Variants in GPKOW observed in about 807,000 individuals in gnomAD.
GPKOW encodes G-patch domain and KOW motifs.
For missense variants in GPKOW, 359 were observed against 404.7 expected, an observed-to-expected ratio of 0.89 and a Z score of 0.97; for synonymous variants, 167 against 159.1, an observed-to-expected ratio of 1.05 and a Z score of -0.37.
At chrX:49,119,251 C>A (rs970823566) in intron 4 of GPKOW, among the ~76,000 whole-genome samples, 1 of 110,346 alleles carries the variant, frequency 9.1e-6, no homozygotes, top group Non-Finnish European at 1.9e-5. Context: ...GCCACCACAC[C>A]CGGCCCTAAT....
rs781882899 is a variant in GPKOW at position 49,123,578 on chromosome X, A to G, written c.145T>C (p.Leu49=). 6 of 1,207,765 alleles carry G rather than the reference A, an allele frequency of 5.0e-6. No homozygotes were observed. The highest frequency in any genetic ancestry group is 4.4e-5 in the Admixed American group (2 of 45,297). The part of the protein sequence containing the change: ...AGPSPEEKDF[L]KTVEGRELQS... The stretch of plus-strand genomic sequence containing the variant: ...AGCTCCCTCCCTTCCACGGTTTTCA[A>G]GAAATCCTTCTCCTCCGGAGATGGC... Residue 49 remains leucine, a synonymous_variant, in exon 1 of 11, where the codon TTG becomes CTG. Coordinates refer to ENST00000156109, the MANE Select transcript of GPKOW (RefSeq NM_015698.6).
At chrX:49,123,020 T>C (rs1453320639) in intron 1 of GPKOW, among the ~76,000 whole-genome samples, 1 of 111,429 alleles carries the variant, frequency 9.0e-6, no homozygotes, top group Non-Finnish European at 1.9e-5. Context: ...TTTAACTCAA[T>C]ACCGGCTTCT....
rs1429167736 is a variant in GPKOW at position 49,123,600 on chromosome X, T to C, written c.123A>G (p.Pro41=). The C allele has an allele frequency of 5.0e-6, 6 of 1,207,855 alleles. No homozygotes were observed. In the African/African-American group the frequency reaches 1.0e-4, roughly 21 times the overall value. ...RLADSGDGAG[P]SPEEKDFLKT... is the part of the protein sequence containing the mutation. ...TCAAGAAATCCTTCTCCTCCGGAGA[T>C]GGCCCCGCGCCGTCTCCCGAGTCGG... The change falls in exon 1 of 11, where the codon CCA becomes CCG. Residue 41 remains proline, a synonymous_variant. Coordinates refer to ENST00000156109, the MANE Select transcript of GPKOW (RefSeq NM_015698.6).
Position 49,117,057 on chromosome X carries a change from C to G in GPKOW, c.886G>C (p.Glu296Gln). Residue 296 changes from glutamate to glutamine, a missense_variant, in exon 6 of 11, where the codon GAG becomes CAG. Physicochemically the swap from Glu to Gln is conservative, Grantham distance 29. Coordinates refer to ENST00000156109, the MANE Select transcript of GPKOW (RefSeq NM_015698.6). ...AGATCCAAGGTGTTCTTGTCAAACTCCTGCTGGGAGACAGGCCGCAGGTAG... is the reference window on the plus strand; with the variant it reads ...AGATCCAAGGTGTTCTTGTCAAACTGCTGCTGGGAGACAGGCCGCAGGTAG... ...EYYLRPVSQQ[E>Q]FDKNTLDLRQ... is the part of the protein sequence containing the mutation. 1 of 1,209,541 alleles carries G rather than the reference C, an allele frequency of 8.3e-7. No homozygotes were observed. The highest frequency in any genetic ancestry group is 1.1e-6 in the Non-Finnish European group (1 of 893,638).
intron 9 of GPKOW, among the ~76,000 whole-genome samples, chrX:49,114,626 A>AC (rs2065184930): frequency 9.6e-6 from 1 of 103,767 alleles, no homozygotes; most frequent in African/African-American, 3.5e-5. Flanking sequence ...AAGAAAAAAA[A>AC]AAAAAAGAAG....
rs73495899 is a variant in GPKOW, at chrX:49,117,542, G to A, written c.780+55C>T. 3,564 of 890,567 alleles carry A rather than the reference G, an allele frequency of 4.0e-3. 87 individuals are homozygous for A. The African/African-American group carries it at 0.061, about 15-fold the overall frequency. The allele number at this position is 890,567 out of a possible 1,213,427, so 73.4% of individuals were successfully genotyped here. On this transcript the variant is annotated intron_variant, in intron 5 of 10. Transcript: ENST00000156109. Reference sequence around the variant, plus strand: ...CCAATTATTCCTCCATCTGACCCTCGGATCAACCTTCCCTGCTGCCTGTTT... The same window carrying A: ...CCAATTATTCCTCCATCTGACCCTCAGATCAACCTTCCCTGCTGCCTGTTT...
At chrX:49,116,738 G>A (rs970191999) in intron 6 of GPKOW, among the ~76,000 whole-genome samples, 13 of 111,795 alleles carry the variant, frequency 1.2e-4, no homozygotes, top group Non-Finnish European at 2.3e-4. Context: ...TAAAAGAGAG[G>A]TTCATCACCC....
chrX:49,115,095 C>A (rs1289454493), intron 9 of GPKOW, among the ~76,000 whole-genome samples: 1 of 110,280 alleles, frequency 9.1e-6, no homozygotes, highest in Non-Finnish European at 1.9e-5. Context: ...GTGATAACAA[C>A]AGGCACCTTT....
chrX:49,122,624 G>A lies in GPKOW; in HGVS notation c.329C>T (p.Ala110Val), dbSNP rs148737160. The A allele has an allele frequency of 4.1e-5, 50 of 1,208,430 alleles. No individual in the cohort carries two copies. Among genetic ancestry groups the A allele is most frequent in the Non-Finnish European group, 4.9e-5 (44 of 893,537 alleles). The change falls in exon 2 of 11, where the codon GCG (alanine) becomes GTG (valine). Residue 110 changes from alanine (A) to valine (V), a missense_variant and splice_region_variant. Physicochemically the swap from Ala to Val is moderately conservative, Grantham distance 64. Coordinates refer to ENST00000156109, the MANE Select transcript of GPKOW (RefSeq NM_015698.6). ...AAGGGTAAAGGGGTATCACTCACCCGCAATGAGCTCCTTCACAGCCTGGGA... is the reference window on the plus strand; with the variant it reads ...AAGGGTAAAGGGGTATCACTCACCCACAATGAGCTCCTTCACAGCCTGGGA... ...VVSQAVKELIAESKKSLEERE... is the reference protein window; with the variant it reads ...VVSQAVKELIVESKKSLEERE...
intron 4 of GPKOW, among the ~76,000 whole-genome samples, chrX:49,118,070 G>A (rs1306741894): frequency 9.1e-6 from 1 of 109,807 alleles, no homozygotes; most frequent in Non-Finnish European, 1.9e-5. Flanking sequence ...ACAGGCGCAT[G>A]CCACCATGCC....
At chrX:49,115,844 C>G in intron 8 of GPKOW, 47 bp downstream of exon 8, 1 of 1,200,272 alleles carries the variant, frequency 8.3e-7, no homozygotes, top group African/African-American at 1.7e-5. Context: ...GGTAGGGGGG[C>G]CCAGTCCCTA....
Position 49,122,773 on chromosome X carries a change from C to T in GPKOW, c.180G>A (p.Val60=), listed in dbSNP as rs2065218493. The part of the protein sequence containing the change: ...KTVEGRELQS[V]KPQEAPKELV... Reference sequence around the variant, plus strand: ...GTTCCTTGGGGGCCTCCTGGGGCTTCACACTGATGTGGACACAGAGGGGTG... The same window carrying T: ...GTTCCTTGGGGGCCTCCTGGGGCTTTACACTGATGTGGACACAGAGGGGTG... The change falls in exon 2 of 11, where the codon GTG becomes GTA. Residue 60 remains valine (V), a synonymous_variant. Coordinates refer to ENST00000156109, the MANE Select transcript of GPKOW (RefSeq NM_015698.6). 8.3e-7 allele frequency: 1 copy of T among 1,205,654 alleles called. No homozygotes were observed. Among genetic ancestry groups the T allele is most frequent in the South Asian group, 1.8e-5 (1 of 56,468 alleles).
At chrX:49,114,067 T>C (rs1259925781) in intron 9 of GPKOW, 129 bp from the exon 10 acceptor site, 4 of 473,806 alleles carry the variant, frequency 8.4e-6, no homozygotes, top group Non-Finnish European at 1.5e-5. Context: ...GGAGGCTAAG[T>C]TGGGAGGATC....
chrX:49,115,057 A>G (rs1182631249), intron 9 of GPKOW, among the ~76,000 whole-genome samples: 1 of 109,734 alleles, frequency 9.1e-6, no homozygotes, highest in Non-Finnish European at 1.9e-5. Context: ...GGAGTAGTTT[A>G]CAAAAATCAC....
intron 3 of GPKOW, among the ~76,000 whole-genome samples, chrX:49,120,869 G>A (rs1158268520): frequency 9.1e-6 from 1 of 109,867 alleles, no homozygotes; most frequent in Non-Finnish European, 1.9e-5. Flanking sequence ...TCGCCATGTT[G>A]GCCAGGCTGG....
At chrX:49,120,980 T>C (rs782409383) in intron 3 of GPKOW, among the ~76,000 whole-genome samples, 1 of 111,497 alleles carries the variant, frequency 9.0e-6, no homozygotes, top group South Asian at 3.7e-4. Context: ...AAGGTTTTTA[T>C]GCTGAGTGAG....
chrX:49,120,156 T>G (rs986345992), intron 3 of GPKOW, among the ~76,000 whole-genome samples: 1 of 111,413 alleles, frequency 9.0e-6, no homozygotes, highest in East Asian at 2.8e-4. Flanking sequence ...GGTGGTGATG[T>G]AAAGAACAAG....
chrX:49,122,343 T>C lies in GPKOW; in HGVS notation c.456+55A>G, dbSNP rs1349457895. The C allele has an allele frequency of 8.6e-6, 9 of 1,050,421 alleles. No individual in the cohort carries two copies. In the East Asian group the frequency reaches 2.7e-4, roughly 31 times the overall value. The allele number at this position is 1,050,421 out of a possible 1,213,427, so 86.6% of individuals were successfully genotyped here. ...CCCTGCTACGTGCAGGGACACAGCC[T>C]GGCGGACAGGGCAAAGAAAGGCTGG... On this transcript the variant is annotated intron_variant, in intron 3 of 10. Transcript: ENST00000156109.
At position 49,115,828 on chromosome X, in the gene GPKOW, T is replaced by G. The variant is rs782455443; in HGVS notation, c.1141-33A>C. On this transcript the variant is annotated intron_variant, in intron 8 of 10. Coordinates refer to ENST00000156109, the MANE Select transcript of GPKOW (RefSeq NM_015698.6). Reference sequence around the variant, plus strand: ...TACAGGTCAGGGGGATGTGAGATTTTAGAGAGGTAGGGGGGCCCAGTCCCT... The same window carrying G: ...TACAGGTCAGGGGGATGTGAGATTTGAGAGAGGTAGGGGGGCCCAGTCCCT... 121 of 1,193,876 alleles carry G rather than the reference T, an allele frequency of 1.0e-4. No individual in the cohort carries two copies. In the South Asian group the frequency reaches 2.0e-3, roughly 20 times the overall value.
Sources: allele counts gnomAD v4.1 joint callset (sites outside exome capture counted in the v4.1 genomes callset), GRCh38; gene constraint gnomAD v4.1.1; transcripts MANE v1.5; gene names NCBI Gene and HGNC (gene_info 2026-07-23, HGNC 2026-07-21).